The following SYNE1 variants were observed in gnomAD, a reference collection of about 807,000 sequenced individuals.
SYNE1 encodes nesprin-1.
SYNE1 carries 616 observed loss-of-function variants against 1,111.0 expected under a neutral mutation model. That is an observed-to-expected ratio of 0.55 (90% confidence interval 0.52 to 0.59). SYNE1 has a LOEUF of 0.59. SYNE1 is among the 20% of genes least tolerant of loss of function. The pLI, the probability that SYNE1 is intolerant of heterozygous loss-of-function variation, is 0.00. For missense variants in SYNE1, 10,006 were observed against 10,417.0 expected (o/e 0.96, Z 1.72); for synonymous variants, 3,855 against 3,825.8 (o/e 1.01, Z -0.28).
chr6:152,549,573 A>G lies in SYNE1; in HGVS notation c.68-9552T>C, dbSNP rs531110083. Among the ~76,000 whole-genome samples, 96 of 152,316 alleles carry G rather than the reference A, an allele frequency of 6.3e-4. 1 individual carries two copies. In the South Asian group the frequency reaches 0.019, roughly 30 times the overall value. ...CTTTCCTGTTTTAATCAGACAAGTAATGGATTAAAAGTTGCAAAGAACAAG... is the reference window on the plus strand; with the variant it reads ...CTTTCCTGTTTTAATCAGACAAGTAGTGGATTAAAAGTTGCAAAGAACAAG... On this transcript the variant is annotated intron_variant, in intron 3 of 145. Coordinates refer to ENST00000367255, the MANE Select transcript of SYNE1 (RefSeq NM_182961.4).
chr6:152,427,698 T>C lies in SYNE1; in HGVS notation c.5095A>G (p.Ile1699Val). The C allele has an allele frequency of 1.9e-6, 3 of 1,614,210 alleles. No homozygotes were observed. Among genetic ancestry groups the C allele is most frequent in the Non-Finnish European group, 2.5e-6 (3 of 1,180,034 alleles). Residue 1699 changes from isoleucine (I) to valine (V), a missense_variant, in exon 38 of 146, where the codon ATA (isoleucine) becomes GTA (valine). By Grantham distance (29) the Ile-to-Val change is conservative (BLOSUM62 3). This residue lies in a region of SYNE1 where 1,971 missense variants were observed against 2,084.1 expected (regional missense o/e 0.95). Coordinates refer to ENST00000367255, the MANE Select transcript of SYNE1 (RefSeq NM_182961.4). Reference protein sequence around the residue: ...RVKVEGELQLIQALQNEVVSQ... With the variant: ...RVKVEGELQLVQALQNEVVSQ... ...TCACACTTCCTTGAACTTGCCTGTA[T>C]TAACTGAAGTTCACCTTCCACTTTG...
intron 3 of SYNE1, among the ~76,000 whole-genome samples, chr6:152,589,240 G>A (rs1435344969): frequency 2.0e-5 from 3 of 151,988 alleles, no homozygotes; most frequent in African/African-American, 4.8e-5. Context: ...TTTTAGTGGC[G>A]ATAATGGGTA....
At chr6:152,172,439 C>T (rs1013436440) in intron 130 of SYNE1, among the ~76,000 whole-genome samples, 4 of 152,080 alleles carry the variant, frequency 2.6e-5, no homozygotes, top group Admixed American at 6.6e-5. Flanking sequence ...TAGGTTTAGC[C>T]GAGAGAAAAA....
At chr6:152,248,427 TA>T (rs1451441866) in intron 105 of SYNE1, among the ~76,000 whole-genome samples, 3 of 150,744 alleles carry the variant, frequency 2.0e-5, no homozygotes, top group African/African-American at 7.3e-5. Flanking sequence ...TATAAATAAA[TA>T]AAAATACATA....
chr6:152,455,669 T>C, intron 23 of SYNE1, 79 bp from the exon 24 acceptor site: 1 of 1,579,050 alleles, frequency 6.3e-7, no homozygotes, highest in Non-Finnish European at 8.7e-7. Context: ...GTATTATTCA[T>C]TTAAAAAGCA....
rs1433427235 is a variant in SYNE1, at chr6:152,344,044, T to C, written c.12225+37A>G. ...ACATTTTCACTGACGCTCTGAATGA[T>C]TCACAAGAATAACACAAACTTTCAG... On this transcript the variant is annotated intron_variant, in intron 74 of 145. Coordinates refer to ENST00000367255, the MANE Select transcript of SYNE1 (RefSeq NM_182961.4). 1.9e-6 allele frequency: 3 copies of C among 1,613,840 alleles called. No homozygotes were observed. In the Middle Eastern group the frequency reaches 5.0e-4, roughly 267 times the overall value.
chr6:152,219,062 A>C lies in SYNE1; in HGVS notation c.21985T>G (p.Leu7329Val). 1 of 1,614,170 alleles carries C rather than the reference A, an allele frequency of 6.2e-7. No homozygotes were observed. Among genetic ancestry groups the C allele is most frequent in the Non-Finnish European group, 8.5e-7 (1 of 1,180,014 alleles). ...TCCAGGGCACACAAGTGTTGACTCA[A>C]AGAGAGTTGATCCGATTGAATAGCT... ...ASAIQSDQLS[L>V]SQHLCALEQA... Residue 7329 changes from leucine to valine, a missense_variant, in exon 120 of 146, where the codon TTG becomes GTG. By Grantham distance (32) the Leu-to-Val change is conservative. Around this residue, in one of 7 missense-constraint regions of SYNE1, gnomAD observed 2,182 missense variants for 2,287.8 expected, o/e 0.95. Coordinates refer to ENST00000367255, the MANE Select transcript of SYNE1 (RefSeq NM_182961.4).
intron 2 of SYNE1, among the ~76,000 whole-genome samples, chr6:152,633,554 C>T (rs2099701424): frequency 6.6e-6 from 1 of 152,044 alleles, no homozygotes. Context: ...AATCAATAAC[C>T]ATCTGCTGCA....
intron 74 of SYNE1, among the ~76,000 whole-genome samples, 172 bp from the exon 75 acceptor site, chr6:152,339,538 T>G (rs1179302811): frequency 2.0e-5 from 3 of 152,218 alleles, no homozygotes; most frequent in Admixed American, 2.0e-4. Flanking sequence ...AAAATTTAAA[T>G]CACCAATGGG....
At chr6:152,295,830 T>A (rs1191329591) in intron 93 of SYNE1, among the ~76,000 whole-genome samples, 1 of 152,226 alleles carries the variant, frequency 6.6e-6, no homozygotes, top group Non-Finnish European at 1.5e-5. Flanking sequence ...GATCTTGGTC[T>A]ATTAACATCC....
intron 11 of SYNE1, among the ~76,000 whole-genome samples, chr6:152,496,463 CCTT>C (rs1018368970): frequency 2.0e-5 from 3 of 152,154 alleles, no homozygotes; most frequent in Non-Finnish European, 4.4e-5. Flanking sequence ...CTCTTTTTCT[CCTT>C]CTCTTATTCA....
rs751549921 is a variant in SYNE1 at position 152,221,009 on chromosome 6, G to A, written c.21694C>T (p.Gln7232Ter). ...NLLEEIAEQLQSSKALLQLWQ... is the reference protein window; with the variant it reads ...NLLEEIAEQL ...AGCTGAAGTAGGGCCTTGCTGGACT[G>A]TAGCTGCTCAGCAATCTCTTCCAGC... The change falls in exon 119 of 146, where the codon CAG becomes TAG. Residue 7232 changes from glutamine (Q) to a stop codon, truncating the protein, a stop_gained. Transcript: ENST00000367255. LOFTEE classifies it high-confidence loss of function. The A allele has an allele frequency of 1.2e-6, 2 of 1,614,120 alleles. No individual in the cohort carries two copies. The highest frequency in any genetic ancestry group is 1.7e-6 in the Non-Finnish European group (2 of 1,179,998).
rs143188864 is a variant in SYNE1 at position 152,198,562 on chromosome 6, G to A, written c.23145+3262C>T. ...GCTTTTGACATGTCTTCCTCACTAA[G>A]CTTAATCATTTCTAGCTTTTGATTT... On this transcript the variant is annotated intron_variant, in intron 127 of 145. Transcript: ENST00000367255. Among the ~76,000 whole-genome samples, 103 of 152,252 alleles carry A rather than the reference G, an allele frequency of 6.8e-4. 1 individual carries two copies. The East Asian group carries it at 0.02, about 29-fold the overall frequency.
At chr6:152,622,044 T>C (rs1476058401) in intron 3 of SYNE1, among the ~76,000 whole-genome samples, 1 of 152,204 alleles carries the variant, frequency 6.6e-6, no homozygotes, top group African/African-American at 2.4e-5. Flanking sequence ...AATTTATTCA[T>C]TTATTTATCA....
At chr6:152,417,111 T>C in intron 40 of SYNE1, 96 bp from the exon 41 acceptor site, 1 of 1,554,710 alleles carries the variant, frequency 6.4e-7, no homozygotes, top group South Asian at 1.1e-5. Flanking sequence ...CTATTTTAGG[T>C]GCCATGGATA....
chr6:152,483,063 G>A (rs750259793), intron 14 of SYNE1, 22 bp downstream of exon 14: 52 of 1,614,028 alleles, frequency 3.2e-5, no homozygotes, highest in South Asian at 1.8e-4. Flanking sequence ...ATGCTGCAAG[G>A]TTTTCCAACC....
chr6:152,169,784 C>T (rs546225104), intron 130 of SYNE1, among the ~76,000 whole-genome samples: 3 of 150,078 alleles, frequency 2.0e-5, no homozygotes, highest in East Asian at 3.9e-4. Context: ...TGGGTGACAG[C>T]GCAAACCCAA....
chr6:152,622,527 T>C (rs2099677795), intron 3 of SYNE1, among the ~76,000 whole-genome samples: 1 of 152,188 alleles, frequency 6.6e-6, no homozygotes, highest in African/African-American at 2.4e-5. Flanking sequence ...TATTTGGTTT[T>C]CTGTTCCTGT....
At chr6:152,627,608 G>A (rs1342976471) in intron 3 of SYNE1, among the ~76,000 whole-genome samples, 1 of 152,130 alleles carries the variant, frequency 6.6e-6, no homozygotes, top group African/African-American at 2.4e-5. Context: ...AGTGAGCCGA[G>A]ATAGTGCTAC....
Sources: allele counts gnomAD v4.1 joint callset (sites outside exome capture counted in the v4.1 genomes callset), GRCh38; gene constraint gnomAD v4.1.1; regional missense constraint gnomAD v4.1.1; transcripts MANE v1.5; gene names NCBI Gene and HGNC (gene_info 2026-07-23, HGNC 2026-07-21).